ZMAT4: variants seen among roughly 807,000 people sequenced by gnomAD.
ZMAT4 encodes the protein zinc finger matrin-type 4, also known as zinc finger matrin-type protein 4.
A neutral mutation model predicts 28.7 loss-of-function variants in ZMAT4; 17 were observed. That is an observed-to-expected ratio of 0.59 (90% CI 0.41 to 0.89). ZMAT4 has a LOEUF of 0.89. ZMAT4 is among the 40% of genes least tolerant of loss of function. The pLI is 0.00. For missense variants in ZMAT4, 240 were observed against 283.8 expected, an observed-to-expected ratio of 0.85 and a Z score of 1.11; for synonymous variants, 117 against 109.2, an observed-to-expected ratio of 1.07 and a Z score of -0.44.
At chr8:40,879,272 A>G (rs1162277019) in intron 1 of ZMAT4, among the ~76,000 whole-genome samples, 1 of 152,114 alleles carries the variant, frequency 6.6e-6, no homozygotes, top group African/African-American at 2.4e-5. Context: ...AAATTTAAAA[A>G]ATTAGCCAGG....
intron 5 of ZMAT4, among the ~76,000 whole-genome samples, chr8:40,673,414 G>A (rs1397193137): frequency 6.6e-6 from 1 of 152,030 alleles, no homozygotes; most frequent in Non-Finnish European, 1.5e-5. Context: ...AATTAGAATT[G>A]TAGGCTCTGT....
chr8:40,571,523 TAG>T (rs1302510489), intron 6 of ZMAT4, among the ~76,000 whole-genome samples: 1 of 152,054 alleles, frequency 6.6e-6, no homozygotes, highest in Non-Finnish European at 1.5e-5. Context: ...CAGGGCTAGG[TAG>T]AAAGCAGCCT....
chr8:40,723,251 G>A (rs1244484467), intron 3 of ZMAT4, among the ~76,000 whole-genome samples: 4 of 152,104 alleles, frequency 2.6e-5, no homozygotes, highest in Non-Finnish European at 4.4e-5. Flanking sequence ...ATGCTCTAAA[G>A]ATTGGGTAGG....
rs534335285 is a variant in ZMAT4, at chr8:40,776,408, C to T, written c.103-8678G>A. On this transcript the variant is annotated intron_variant, in intron 2 of 6. Coordinates refer to ENST00000297737, the MANE Select transcript of ZMAT4 (RefSeq NM_024645.3). ...TTGTAATTATCTACGTGGCTGTCTG[C>T]CTACACAAGTGACTACATCAACGTG... Among the ~76,000 whole-genome samples the T allele has an allele frequency of 1.2e-4, 19 of 152,280 alleles. No homozygotes were observed. The South Asian group carries it at 3.1e-3, about 25-fold the overall frequency.
At chr8:40,775,735 C>T (rs566809470) in intron 2 of ZMAT4, among the ~76,000 whole-genome samples, 2 of 152,260 alleles carry the variant, frequency 1.3e-5, no homozygotes, top group Admixed American at 6.5e-5. Context: ...ATTATAGGAT[C>T]GTGGACATTT....
intron 3 of ZMAT4, among the ~76,000 whole-genome samples, chr8:40,700,517 C>T (rs1391831629): frequency 7.0e-6 from 1 of 142,958 alleles, no homozygotes; most frequent in African/African-American, 2.6e-5. Flanking sequence ...TCCTTAGGTT[C>T]AAGCAATCCT....
At chr8:40,547,953 T>C (rs1803253536) in intron 6 of ZMAT4, among the ~76,000 whole-genome samples, 1 of 151,978 alleles carries the variant, frequency 6.6e-6, no homozygotes, top group African/African-American at 2.4e-5. Flanking sequence ...TTAAGTAGGG[T>C]GATCTGGGAC....
intron 5 of ZMAT4, among the ~76,000 whole-genome samples, chr8:40,585,348 A>AAGT (rs1804631986): frequency 8.5e-5 from 13 of 152,166 alleles, no homozygotes; most frequent in South Asian, 4.2e-4. Flanking sequence ...TCAAGCAGTG[A>AAGT]CTCCCAAACG....
chr8:40,894,652 A>T (rs1451710925), intron 1 of ZMAT4, among the ~76,000 whole-genome samples: 3 of 152,114 alleles, frequency 2.0e-5, no homozygotes, highest in Admixed American at 1.3e-4. Context: ...AACAGCCTTC[A>T]CCCCACCTTG....
intron 6 of ZMAT4, among the ~76,000 whole-genome samples, chr8:40,560,933 G>A (rs1050372310): frequency 8.5e-5 from 13 of 152,070 alleles, no homozygotes; most frequent in Non-Finnish European, 8.8e-5. Context: ...CTTTATGTAT[G>A]TCTCGCATTG....
intron 2 of ZMAT4, among the ~76,000 whole-genome samples, chr8:40,783,670 T>TA (rs1264125602): frequency 3.3e-5 from 5 of 151,876 alleles, no homozygotes; most frequent in East Asian, 1.9e-4. Flanking sequence ...GGAAACATGA[T>TA]AAAAAATCCC....
chr8:40,753,609 C>T (rs1005982792), intron 3 of ZMAT4, among the ~76,000 whole-genome samples: 1 of 152,166 alleles, frequency 6.6e-6, no homozygotes, highest in African/African-American at 2.4e-5. Context: ...AAATTCCCAG[C>T]AATCAGCACA....
At chr8:40,637,358 T>C (rs1806833567) in intron 5 of ZMAT4, among the ~76,000 whole-genome samples, 2 of 152,206 alleles carry the variant, frequency 1.3e-5, no homozygotes, top group African/African-American at 2.4e-5. Flanking sequence ...TTATTGACAG[T>C]GAGGCTGACT....
intron 5 of ZMAT4, among the ~76,000 whole-genome samples, chr8:40,627,931 T>G (rs959787228): frequency 1.3e-5 from 2 of 152,146 alleles, no homozygotes; most frequent in African/African-American, 4.8e-5. Context: ...GTCTCTGTAG[T>G]GAGAGGGGAG....
intron 2 of ZMAT4, among the ~76,000 whole-genome samples, chr8:40,785,585 T>C (rs1814038840): frequency 6.6e-6 from 1 of 152,226 alleles, no homozygotes; most frequent in Admixed American, 6.5e-5. Flanking sequence ...GTCAGGATTC[T>C]ATAATTTCTT....
At chr8:40,753,324 A>C (rs572590376) in intron 3 of ZMAT4, among the ~76,000 whole-genome samples, 1 of 152,006 alleles carries the variant, frequency 6.6e-6, no homozygotes, top group South Asian at 2.1e-4. Flanking sequence ...TCTACCTGGA[A>C]TTATCACACC....
intron 2 of ZMAT4, among the ~76,000 whole-genome samples, chr8:40,797,611 C>T (rs1814652793): frequency 2.6e-5 from 4 of 152,170 alleles, no homozygotes; most frequent in South Asian, 4.1e-4. Context: ...TACAGGACTT[C>T]CATGAGCTAC....
chr8:40,820,329 T>G (rs1815711414), intron 2 of ZMAT4, among the ~76,000 whole-genome samples: 1 of 151,530 alleles, frequency 6.6e-6, no homozygotes, highest in African/African-American at 2.4e-5. Flanking sequence ...TGTGTGTATA[T>G]GTGTATGTGT....
At chr8:40,733,382 G>A (rs1327671456) in intron 3 of ZMAT4, among the ~76,000 whole-genome samples, 2 of 152,182 alleles carry the variant, frequency 1.3e-5, no homozygotes, top group Non-Finnish European at 2.9e-5. Context: ...TAAAAAGTCA[G>A]AGAGAGGGTA....
Sources: gnomAD v4.1 joint callset for allele counts (sites outside exome capture counted in the v4.1 genomes callset) on GRCh38, gnomAD v4.1.1 for gene constraint, MANE v1.5 for transcripts, NCBI Gene and HGNC (gene_info 2026-07-23, HGNC 2026-07-21) for gene names.